The following HMCN2 variants were observed in gnomAD, a reference collection of about 807,000 sequenced individuals.
HMCN2 encodes the protein hemicentin-2.
HMCN2 carries 325 observed loss-of-function variants against 377.5 expected under a neutral mutation model. That is an observed-to-expected ratio of 0.86 (90% confidence interval 0.79 to 0.94). The LOEUF (loss-of-function observed/expected upper bound fraction) is 0.94, where lower values mean the gene tolerates loss of function less well. Ranked by LOEUF, HMCN2 falls within the 40% of genes least tolerant of loss-of-function variation. HMCN2 has a pLI of 0.00. For synonymous variants in HMCN2, 2,007 were observed against 2,046.8 expected (o/e 0.98, Z 0.53); for missense variants, 4,543 against 4,725.3 (o/e 0.96, Z 1.13).
At chr9:130,364,231 A>T (rs1024883507) in intron 40 of HMCN2, among the ~76,000 whole-genome samples, 26 of 152,140 alleles carry the variant, frequency 1.7e-4, no homozygotes, top group Non-Finnish European at 1.0e-4. Context: ...CAGGAGTGCA[A>T]GTGGCATCCC....
At position 130,398,678 on chromosome 9, in the gene HMCN2, G is replaced by T; in HGVS notation, c.11454G>T (p.Leu3818=). The T allele has an allele frequency of 7.8e-7, 1 of 1,289,608 alleles. No homozygotes were observed. The highest frequency in any genetic ancestry group is 1.2e-5 in the South Asian group (1 of 81,002). 79.9% of individuals were successfully genotyped at this position (1,289,608 alleles called of 1,614,324 possible). ...TCTGGTGGAAGGACGGACAGAAGCT[G>T]GACTTCCGCCTGCAGCAGGGCGCCT... ...LVVWWKDGQK[L]DFRLQQGAYR... The change falls in exon 75 of 98, where the codon CTG becomes CTT. Residue 3818 remains leucine, a synonymous_variant. Transcript: ENST00000683500.
rs1841799609 is a variant in HMCN2, at chr9:130,382,743, C to G, written c.8610C>G (p.Ser2870Arg). The change falls in exon 56 of 98, where the codon AGC becomes AGG. Residue 2870 changes from serine (S) to arginine (R), a missense_variant. By Grantham distance (110) the Ser-to-Arg change is moderately radical. Around this residue, in one of 5 missense-constraint regions of HMCN2, gnomAD observed 736 missense variants for 773.2 expected, o/e 0.95. Coordinates refer to ENST00000683500, the MANE Select transcript of HMCN2 (RefSeq NM_001291815.2). ...AAGAGGTGACAGTCAATGCCAGCAG[C>G]ACCGTCAGCCTGCAGTGCCCGGCCC... ...LVEEVTVNASSTVSLQCPALG... is the reference protein window; with the variant it reads ...LVEEVTVNASRTVSLQCPALG... 1 of 985,780 alleles carries G rather than the reference C, an allele frequency of 1.0e-6. No individual in the cohort carries two copies. Among genetic ancestry groups the G allele is most frequent in the Admixed American group, 6.1e-5 (1 of 16,274 alleles). The allele number at this position is 985,780 out of a possible 1,614,324, so 61.1% of individuals were successfully genotyped here.
intron 66 of HMCN2, among the ~76,000 whole-genome samples, chr9:130,392,637 T>C (rs1564847612): frequency 6.6e-6 from 1 of 151,854 alleles, no homozygotes; most frequent in Non-Finnish European, 1.5e-5. Flanking sequence ...ATGAGATTGG[T>C]TGGAGCAGGC....
chr9:130,382,805 A>G lies in HMCN2; in HGVS notation c.8672A>G (p.Asn2891Ser), dbSNP rs1274680435. The change falls in exon 56 of 98, where the codon AAT becomes AGT. Residue 2891 changes from asparagine to serine, a missense_variant. Physicochemically the swap from Asn to Ser is conservative, Grantham distance 46 (BLOSUM62 1). Coordinates refer to ENST00000683500, the MANE Select transcript of HMCN2 (RefSeq NM_001291815.2). ...GTGCCCACCATCTCATGGCTCCAGA[A>G]TGGGCTGCCTTTCTCCCCGAGCCCA... Reference protein sequence around the residue: ...NPVPTISWLQNGLPFSPSPRL... With the variant: ...NPVPTISWLQSGLPFSPSPRL... 6.8e-5 allele frequency: 67 copies of G among 985,766 alleles called. No homozygotes were observed. The highest frequency in any genetic ancestry group is 1.2e-4 in the Admixed American group (2 of 16,268). 61.1% of individuals were successfully genotyped at this position (985,766 alleles called of 1,614,324 possible).
chr9:130,271,309 G>A (rs1441555161), intron 1 of HMCN2, among the ~76,000 whole-genome samples: 1 of 148,722 alleles, frequency 6.7e-6, no homozygotes, highest in African/African-American at 2.4e-5. Flanking sequence ...TTTAAAAAGC[G>A]GGGAGCCATG....
intron 52 of HMCN2, among the ~76,000 whole-genome samples, chr9:130,377,269 A>G (rs935818334): frequency 6.6e-6 from 1 of 151,916 alleles, no homozygotes; most frequent in African/African-American, 2.4e-5. Context: ...GCCCGCCACC[A>G]CGCCTGGCTA....
chr9:130,431,517 C>T (rs1291359497), intron 96 of HMCN2, 31 bp downstream of exon 96: 1 of 1,543,940 alleles, frequency 6.5e-7, no homozygotes, highest in Non-Finnish European at 8.7e-7. Context: ...CGCCCAAACA[C>T]CCGTGGGGCT....
At chr9:130,355,181 A>G (rs939597557) in intron 32 of HMCN2, 137 bp downstream of exon 32, 11 of 694,374 alleles carry the variant, frequency 1.6e-5, no homozygotes, top group Middle Eastern at 6.1e-4. Flanking sequence ...ATTGCATGAC[A>G]CAGATGAGGA....
Position 130,403,914 on chromosome 9 carries a change from T to G in HMCN2, c.12148+39T>G, listed in dbSNP as rs777827549. On this transcript the variant is annotated intron_variant, in intron 80 of 97. Coordinates refer to ENST00000683500, the MANE Select transcript of HMCN2 (RefSeq NM_001291815.2). ...CGGGGCCGAGGTGGGCCCTGGCAACTGAGGGGCTTTGAGGCTTCTGCAAGC... is the reference window on the plus strand; with the variant it reads ...CGGGGCCGAGGTGGGCCCTGGCAACGGAGGGGCTTTGAGGCTTCTGCAAGC... 4 of 1,269,388 alleles carry G rather than the reference T, an allele frequency of 3.2e-6. No individual in the cohort carries two copies. The South Asian group carries it at 5.1e-5, about 16-fold the overall frequency. The allele number at this position is 1,269,388 out of a possible 1,614,324, so 78.6% of individuals were successfully genotyped here.
chr9:130,365,598 C>T, intron 41 of HMCN2, 33 bp from the exon 42 acceptor site: 6 of 948,218 alleles, frequency 6.3e-6, no homozygotes, highest in Non-Finnish European at 6.3e-6. Flanking sequence ...CTCTGTGCGT[C>T]CCCTCCCATG....
rs919812517 is a variant in HMCN2, at chr9:130,430,753, A to G, written c.14647+149A>G. The G allele has an allele frequency of 3.1e-5, 22 of 703,926 alleles. No homozygotes were observed. In the South Asian group the frequency reaches 4.4e-4, roughly 14 times the overall value. 43.6% of individuals were successfully genotyped at this position (703,926 alleles called of 1,614,324 possible). A position where few individuals can be genotyped will look rare whatever the true frequency, so the allele number is the denominator to read the frequency against. On this transcript the variant is annotated intron_variant, in intron 95 of 97. Coordinates refer to ENST00000683500, the MANE Select transcript of HMCN2 (RefSeq NM_001291815.2). ...TGGTGTGGTGGATGGTGGCTTCTCC[A>G]ATGCAGGGTGTCTCAGAGCCTTGGC... is the stretch of plus-strand genomic sequence containing the variant.
intron 1 of HMCN2, among the ~76,000 whole-genome samples, chr9:130,279,270 A>G (rs1834979498): frequency 6.6e-6 from 1 of 152,102 alleles, no homozygotes; most frequent in African/African-American, 2.4e-5. Flanking sequence ...CCCCCCTGAC[A>G]TGGAGGGGCT....
In HMCN2 at chr9:130,293,077, A is replaced by T. The variant is rs1835892000; in HGVS notation, c.613-1778A>T. The stretch of plus-strand genomic sequence containing the variant: ...TGGAGAACTTATACTGATATTTCCA[A>T]TTCAAATTTCACATTGTAGATCTTT... On this transcript the variant is annotated intron_variant, in intron 4 of 97. Transcript: ENST00000683500. 2.0e-5 allele frequency among the ~76,000 whole-genome samples: 3 copies of T among 152,048 alleles called. No individual in the cohort carries two copies. The South Asian group carries it at 6.2e-4, about 32-fold the overall frequency.
At chr9:130,426,244 G>A (rs980265665) in intron 90 of HMCN2, among the ~76,000 whole-genome samples, 8 of 152,154 alleles carry the variant, frequency 5.3e-5, no homozygotes, top group African/African-American at 1.4e-4. Flanking sequence ...CTCTTCTCCC[G>A]AGGGCACCTG....
intron 25 of HMCN2, among the ~76,000 whole-genome samples, chr9:130,343,764 C>T (rs983951550): frequency 3.3e-5 from 5 of 152,246 alleles, no homozygotes; most frequent in East Asian, 3.8e-4. Flanking sequence ...CCAGGCCTGC[C>T]GCCTGGGCTG....
intron 93 of HMCN2, chr9:130,429,071 C>A: frequency 5.5e-6 from 1 of 183,158 alleles, no homozygotes; most frequent in Non-Finnish European, 1.1e-5. Context: ...AGCCATCGCA[C>A]CTCTGTGGCC....
chr9:130,363,205 A>C (rs1000040159), intron 40 of HMCN2, among the ~76,000 whole-genome samples: 2 of 152,204 alleles, frequency 1.3e-5, no homozygotes, highest in Non-Finnish European at 2.9e-5. Flanking sequence ...GTGGCCCCGC[A>C]TAGCCAGGAG....
At chr9:130,287,741 C>A (rs556919111) in intron 4 of HMCN2, among the ~76,000 whole-genome samples, 3 of 152,262 alleles carry the variant, frequency 2.0e-5, no homozygotes, top group Non-Finnish European at 4.4e-5. Flanking sequence ...CATTTCCCAG[C>A]TCAGAGCAGG....
At chr9:130,290,862 GAAA>G (rs34729181) in intron 4 of HMCN2, among the ~76,000 whole-genome samples, 15 of 121,178 alleles carry the variant, frequency 1.2e-4, no homozygotes, top group Admixed American at 5.5e-4. Flanking sequence ...AGCTCAGTCT[GAAA>G]AAAAAAAAAA....
Sources: allele counts gnomAD v4.1 joint callset (sites outside exome capture counted in the v4.1 genomes callset), GRCh38; gene constraint gnomAD v4.1.1; regional missense constraint gnomAD v4.1.1; transcripts MANE v1.5; gene names NCBI Gene and HGNC (gene_info 2026-07-23, HGNC 2026-07-21).